NDNF: variants seen among roughly 807,000 people sequenced by gnomAD.
NDNF encodes neuron derived neurotrophic factor.
A neutral mutation model predicts 42.0 loss-of-function variants in NDNF; 16 were observed. That is an observed-to-expected ratio of 0.38 (90% CI 0.26 to 0.58). The LOEUF (loss-of-function observed/expected upper bound fraction) is 0.58. Ranked by LOEUF, NDNF falls within the 20% of genes least tolerant of loss-of-function variation. The pLI, the probability that NDNF is intolerant of heterozygous loss-of-function variation, is 0.67. For missense variants in NDNF, 616 were observed against 666.2 expected, an observed-to-expected ratio of 0.92 and a Z score of 0.83; for synonymous variants, 248 against 251.7, an observed-to-expected ratio of 0.99 and a Z score of 0.14.
intron 1 of NDNF, chr4:121,071,438 T>C (rs541442289): frequency 6.6e-6 from 1 of 151,784 alleles, no homozygotes; most frequent in South Asian, 2.1e-4. Flanking sequence ...CACCAAGAAC[T>C]CGTGCGCTGC....
intron 2 of NDNF, among the ~76,000 whole-genome samples, chr4:121,043,696 TTAAG>T (rs769264010): frequency 2.6e-5 from 4 of 152,214 alleles, no homozygotes; most frequent in African/African-American, 4.8e-5. Flanking sequence ...AATCATTTAA[TTAAG>T]TGATTGGATT....
intron 2 of NDNF, among the ~76,000 whole-genome samples, chr4:121,042,501 G>T (rs1727015351): frequency 6.6e-6 from 1 of 152,120 alleles, no homozygotes; most frequent in Admixed American, 6.6e-5. Flanking sequence ...CAATCATCTA[G>T]ACAAAATAGA....
At chr4:121,062,287 C>T (rs1444609536) in intron 1 of NDNF, among the ~76,000 whole-genome samples, 1 of 152,182 alleles carries the variant, frequency 6.6e-6, no homozygotes, top group Non-Finnish European at 1.5e-5. Context: ...TACACCATAT[C>T]TGAGGACATC....
In NDNF at chr4:121,037,406, G is replaced by A. The variant is rs201235432; in HGVS notation, c.565C>T (p.Arg189Cys). The change falls in exon 4 of 4, where the codon CGC (arginine) becomes TGC (cysteine). Residue 189 changes from arginine (R) to cysteine (C), a missense_variant. Coordinates refer to ENST00000379692, the MANE Select transcript of NDNF (RefSeq NM_024574.4). ...DPRVDVTSLG[R>C]TTVTLAWKPS... The stretch of plus-strand genomic sequence containing the variant: ...TTCCAGGCCAAAGTGACCGTGGTGC[G>A]CCCCAGTGAGGTCACATCTACTCTT... 79 of 1,614,138 alleles carry A rather than the reference G, an allele frequency of 4.9e-5. No homozygotes were observed. The highest frequency in any genetic ancestry group is 4.7e-4 in the African/African-American group (35 of 75,020).
At chr4:121,063,585 T>A (rs1416124379) in intron 1 of NDNF, among the ~76,000 whole-genome samples, 2 of 152,104 alleles carry the variant, frequency 1.3e-5, no homozygotes, top group Non-Finnish European at 2.9e-5. Flanking sequence ...AGAGAGAAAA[T>A]TTGACTTCAA....
At chr4:121,066,501 T>C (rs1386511571) in intron 1 of NDNF, among the ~76,000 whole-genome samples, 1 of 152,220 alleles carries the variant, frequency 6.6e-6, no homozygotes. Flanking sequence ...AAATATAGTA[T>C]TTTCAAGTAA....
At chr4:121,066,025 CCT>C (rs1727493814) in intron 1 of NDNF, among the ~76,000 whole-genome samples, 1 of 151,412 alleles carries the variant, frequency 6.6e-6, no homozygotes, top group African/African-American at 2.4e-5. Flanking sequence ...GTTTTGGTAC[CCT>C]GAGAGGCCCT....
chr4:121,066,620 A>C (rs1224751596), intron 1 of NDNF, among the ~76,000 whole-genome samples: 1 of 152,200 alleles, frequency 6.6e-6, no homozygotes, highest in African/African-American at 2.4e-5. Flanking sequence ...CCTACATTAT[A>C]AATTTTAAAA....
chr4:121,039,499 G>T (rs186470615), intron 3 of NDNF, among the ~76,000 whole-genome samples: 44 of 151,980 alleles, frequency 2.9e-4, no homozygotes, highest in Admixed American at 8.5e-4. Context: ...GAGATCAGAG[G>T]TTCTTAACCT....
chr4:121,048,829 G>A (rs757992833), intron 1 of NDNF, among the ~76,000 whole-genome samples: 15 of 151,772 alleles, frequency 9.9e-5, no homozygotes, highest in East Asian at 9.7e-4. Context: ...CAGAGCCTCC[G>A]TCTCAAAAAA....
At chr4:121,062,738 G>C (rs1213352456) in intron 1 of NDNF, among the ~76,000 whole-genome samples, 1 of 151,828 alleles carries the variant, frequency 6.6e-6, no homozygotes, top group Non-Finnish European at 1.5e-5. Flanking sequence ...TTTTTTAAGG[G>C]AAGCACTAAG....
intron 1 of NDNF, among the ~76,000 whole-genome samples, chr4:121,058,208 A>G (rs539463509): frequency 6.6e-6 from 1 of 152,364 alleles, no homozygotes; most frequent in East Asian, 1.9e-4. Context: ...AGCTAACAGC[A>G]GACAGCAAAG....
chr4:121,044,107 A>G (rs914607549), intron 2 of NDNF, among the ~76,000 whole-genome samples: 1 of 152,200 alleles, frequency 6.6e-6, no homozygotes, highest in African/African-American at 2.4e-5. Context: ...AAATAATTTT[A>G]CTCGAGCAGT....
chr4:121,037,174 C>T lies in NDNF; in HGVS notation c.797G>A (p.Arg266His), dbSNP rs375890636. Residue 266 changes from arginine (R) to histidine (H), a missense_variant, in exon 4 of 4, where the codon CGC becomes CAC. By Grantham distance (29) the Arg-to-His change is conservative. Coordinates refer to ENST00000379692, the MANE Select transcript of NDNF (RefSeq NM_024574.4). ...GFPSDNSGKE[R>H]SFQAKPSPKL... is the part of the protein sequence containing the mutation. ...TGGAGAAGGCTTTGCCTGGAAACTGCGTTCTTTACCTGAATTATCAGAAGG... is the reference window on the plus strand; with the variant it reads ...TGGAGAAGGCTTTGCCTGGAAACTGTGTTCTTTACCTGAATTATCAGAAGG... 51 of 1,613,802 alleles carry T rather than the reference C, an allele frequency of 3.2e-5. No homozygotes were observed. Among genetic ancestry groups the T allele is most frequent in the Middle Eastern group, 1.6e-4 (1 of 6,084 alleles).
At chr4:121,038,517 A>G (rs1174357001) in intron 3 of NDNF, among the ~76,000 whole-genome samples, 2 of 152,206 alleles carry the variant, frequency 1.3e-5, no homozygotes, top group Non-Finnish European at 2.9e-5. Context: ...TACCGTAAGT[A>G]TCAGATATCA....
chr4:121,057,576 A>G (rs1293032929), intron 1 of NDNF, among the ~76,000 whole-genome samples: 1 of 152,184 alleles, frequency 6.6e-6, no homozygotes, highest in Non-Finnish European at 1.5e-5. Context: ...TCTGACGTCC[A>G]TTATCAGATG....
At chr4:121,061,355 C>CGG (rs934842799) in intron 1 of NDNF, 4 of 152,810 alleles carry the variant, frequency 2.6e-5, no homozygotes, top group Non-Finnish European at 5.9e-5. Context: ...TGCACAGCTT[C>CGG]GGGAGCGATG....
At chr4:121,040,397 G>A (rs1238471718) in intron 2 of NDNF, among the ~76,000 whole-genome samples, 4 of 152,032 alleles carry the variant, frequency 2.6e-5, no homozygotes, top group Admixed American at 2.6e-4. Context: ...CACAGGCCCC[G>A]CCACTGCAAA....
chr4:121,045,963 G>T, intron 1 of NDNF, 125 bp from the exon 2 acceptor site: 2 of 762,128 alleles, frequency 2.6e-6, no homozygotes, highest in Non-Finnish European at 2.0e-6. Context: ...CATGTATTTT[G>T]GATACATACA....
Sources: gnomAD v4.1 joint callset for allele counts (sites outside exome capture counted in the v4.1 genomes callset) on GRCh38, gnomAD v4.1.1 for gene constraint, MANE v1.5 for transcripts, NCBI Gene and HGNC (gene_info 2026-07-23, HGNC 2026-07-21) for gene names.